The following SLC35A3 variants were observed in gnomAD, a reference collection of about 807,000 sequenced individuals.
SLC35A3 encodes UDP-N-acetylglucosamine transporter.
In SLC35A3, 26 loss-of-function variants were observed where a neutral mutation model predicts 39.0. The ratio of observed to expected loss-of-function variants is 0.67; its 90% confidence interval spans 0.49 to 0.92. SLC35A3 has a LOEUF of 0.92. SLC35A3 is among the 40% of genes least tolerant of loss of function. The pLI is 0.00. For missense variants in SLC35A3, 299 were observed against 371.6 expected, an observed-to-expected ratio of 0.80 and a Z score of 1.61; for synonymous variants, 135 against 133.1, an observed-to-expected ratio of 1.01 and a Z score of -0.10.
In SLC35A3 at chr1:100,026,966, G is replaced by C. The variant is rs1024842200; in HGVS notation, c.*4490G>C. On this transcript the variant is annotated 3_prime_UTR_variant, in exon 8 of 8. Coordinates refer to ENST00000533028, the MANE Select transcript of SLC35A3 (RefSeq NM_012243.3). ...TATTGAAATAGATTATTTTCATAAA[G>C]AACTCTATACAAATCTTTTTCTATA... 1 of 383,272 alleles carries C rather than the reference G, an allele frequency of 2.6e-6. No individual in the cohort carries two copies. Among genetic ancestry groups the C allele is most frequent in the South Asian group, 1.5e-4 (1 of 6,874 alleles). 23.7% of individuals were successfully genotyped at this position (383,272 alleles called of 1,614,324 possible).
intron 1 of SLC35A3, among the ~76,000 whole-genome samples, chr1:99,981,938 G>A (rs1657472303): frequency 6.6e-6 from 1 of 151,844 alleles, no homozygotes; most frequent in Non-Finnish European, 1.5e-5. Context: ...ACGTTGGTGA[G>A]CCACTGGAAA....
intron 1 of SLC35A3, among the ~76,000 whole-genome samples, chr1:99,990,859 A>G (rs146238542): frequency 1.3e-5 from 2 of 152,286 alleles, no homozygotes; most frequent in East Asian, 1.9e-4. Context: ...TAGTGCCTTT[A>G]TAAAAAGAGA....
At chr1:99,992,861 G>A (rs12146139) in intron 1 of SLC35A3, among the ~76,000 whole-genome samples, 23,053 of 152,118 alleles carry the variant, frequency 0.15, 2,438 homozygotes, top group African/African-American at 0.3. Flanking sequence ...GAGGGAGGAA[G>A]AGTACTGCCT....
At chr1:99,981,148 TA>T (rs1657425753) in intron 1 of SLC35A3, among the ~76,000 whole-genome samples, 1 of 152,214 alleles carries the variant, frequency 6.6e-6, no homozygotes, top group Non-Finnish European at 1.5e-5. Flanking sequence ...TCTGTATGTA[TA>T]TACTTTTTTC....
At chr1:99,987,466 C>T (rs1450761044) in intron 1 of SLC35A3, among the ~76,000 whole-genome samples, 2 of 151,972 alleles carry the variant, frequency 1.3e-5, no homozygotes, top group South Asian at 2.1e-4. Context: ...AGTGAGTATA[C>T]GTATTTTACC....
In SLC35A3 at chr1:99,995,161, T is replaced by TTTCC. The variant is rs778224177; in HGVS notation, c.187+1422_187+1423insCCTT. Among the ~76,000 whole-genome samples, 4 of 140,996 alleles carry TTTCC rather than the reference T, an allele frequency of 2.8e-5. No homozygotes were observed. In the Admixed American group the frequency reaches 2.9e-4, roughly 10 times the overall value. The allele number at this position is 140,996 out of a possible 152,430, so 92.5% of individuals were successfully genotyped here. A position where few individuals can be genotyped will look rare whatever the true frequency, so the allele number is the denominator to read the frequency against. ...CTTTCTTTCTTTCTTTCTTTCTTTC[T>TTTCC]TTTTTTTTCGAGACTGAGTCTCACT... On this transcript the variant is annotated intron_variant, in intron 2 of 7. Coordinates refer to ENST00000533028, the MANE Select transcript of SLC35A3 (RefSeq NM_012243.3).
In SLC35A3 at chr1:100,023,062, CAG is replaced by C. The variant is rs1294901422; in HGVS notation, c.*590_*591del. The C allele has an allele frequency of 6.6e-6, 1 of 152,190 alleles. No individual in the cohort carries two copies. The highest frequency in any genetic ancestry group is 1.5e-5 in the Non-Finnish European group (1 of 68,004). 9.4% of individuals were successfully genotyped at this position (152,190 alleles called of 1,614,324 possible). On this transcript the variant is annotated 3_prime_UTR_variant, in exon 8 of 8. Transcript: ENST00000533028. The stretch of plus-strand genomic sequence containing the variant: ...AATTAATATTCTGGGTCTGATCTGT[CAG>C]AGAATAAATATCAAATCTAAATTTA...
intron 1 of SLC35A3, among the ~76,000 whole-genome samples, chr1:99,971,817 T>C (rs192780285): frequency 6.6e-6 from 1 of 152,308 alleles, no homozygotes; most frequent in East Asian, 1.9e-4. Context: ...ATTCTACTTA[T>C]TCTTCAATTC....
intron 3 of SLC35A3, among the ~76,000 whole-genome samples, chr1:100,001,753 T>C (rs1557835525): frequency 6.6e-6 from 1 of 152,324 alleles, no homozygotes; most frequent in East Asian, 1.9e-4. Flanking sequence ...GCATTCAGTA[T>C]GATATTAGTT....
chr1:100,018,609 A>G (rs573026036), intron 7 of SLC35A3, among the ~76,000 whole-genome samples: 102 of 152,242 alleles, frequency 6.7e-4, no homozygotes, highest in African/African-American at 2.4e-3. Context: ...AGCCCACTGC[A>G]GCTTCAAACT....
chr1:100,003,031 G>T (rs1557836204), intron 3 of SLC35A3, among the ~76,000 whole-genome samples: 1 of 151,960 alleles, frequency 6.6e-6, no homozygotes, highest in Non-Finnish European at 1.5e-5. Flanking sequence ...GTTGATGTAG[G>T]CATTTATTGC....
rs1047494019 is a variant in SLC35A3, at chr1:100,032,255, T to A, written c.*9779T>A. 1.3e-5 allele frequency: 2 copies of A among 152,190 alleles called. No individual in the cohort carries two copies. The highest frequency in any genetic ancestry group is 4.8e-5 in the African/African-American group (2 of 41,436). The allele number at this position is 152,190 out of a possible 1,614,324, so 9.4% of individuals were successfully genotyped here. On this transcript the variant is annotated 3_prime_UTR_variant, in exon 8 of 8. Transcript: ENST00000533028. Reference sequence around the variant, plus strand: ...GGAGAATATTCTGTTTCCCAATGCCTTTAGCATCAATTGATGATTCTTGAC... The same window carrying A: ...GGAGAATATTCTGTTTCCCAATGCCATTAGCATCAATTGATGATTCTTGAC...
In SLC35A3 at chr1:100,026,822, A is replaced by C. The variant is rs1225967574; in HGVS notation, c.*4346A>C. On this transcript the variant is annotated 3_prime_UTR_variant, in exon 8 of 8. Coordinates refer to ENST00000533028, the MANE Select transcript of SLC35A3 (RefSeq NM_012243.3). ...TTTGATAATGTAATTTGTATATTTAAATTTTTTATGGACATAATTCAAAGG... is the reference window on the plus strand; with the variant it reads ...TTTGATAATGTAATTTGTATATTTACATTTTTTATGGACATAATTCAAAGG... 1 of 180,442 alleles carries C rather than the reference A, an allele frequency of 5.5e-6. No individual in the cohort carries two copies. Among genetic ancestry groups the C allele is most frequent in the Non-Finnish European group, 1.1e-5 (1 of 87,264 alleles). The allele number at this position is 180,442 out of a possible 1,614,324, so 11.2% of individuals were successfully genotyped here. A position where few individuals can be genotyped will look rare whatever the true frequency, so the allele number is the denominator to read the frequency against.
chr1:99,983,939 T>C (rs1301944519), intron 1 of SLC35A3, among the ~76,000 whole-genome samples: 1 of 152,136 alleles, frequency 6.6e-6, no homozygotes, highest in Non-Finnish European at 1.5e-5. Flanking sequence ...TTTATTTTAT[T>C]TTACATTTAA....
intron 5 of SLC35A3, among the ~76,000 whole-genome samples, chr1:100,014,454 T>A (rs1659912518): frequency 6.6e-6 from 1 of 152,080 alleles, no homozygotes; most frequent in Non-Finnish European, 1.5e-5. Context: ...ACTCCTGGGG[T>A]CAAATGATTC....
intron 4 of SLC35A3, 54 bp from the exon 5 acceptor site, chr1:100,011,311 T>A: frequency 2.1e-6 from 2 of 965,824 alleles, no homozygotes; most frequent in East Asian, 5.4e-5. Flanking sequence ...CTCAATATGT[T>A]TATGTAAAAT....
intron 4 of SLC35A3, 168 bp downstream of exon 4, chr1:100,007,324 A>G (rs1659312646): frequency 1.8e-6 from 1 of 569,852 alleles, no homozygotes; most frequent in African/African-American, 1.9e-5. Context: ...CTACATTGGG[A>G]GTGTAAGTAA....
In SLC35A3 at chr1:99,979,420, CCTTTT is replaced by C. The variant is rs1657308903; in HGVS notation, c.-19+9263_-19+9267del. 2.7e-5 allele frequency among the ~76,000 whole-genome samples: 4 copies of C among 150,420 alleles called. 1 individual carries two copies. The South Asian group carries it at 8.4e-4, about 32-fold the overall frequency. On this transcript the variant is annotated intron_variant, in intron 1 of 7. Coordinates refer to ENST00000533028, the MANE Select transcript of SLC35A3 (RefSeq NM_012243.3). ...TTCTTCTCTTGTGTATCTGTATTCT[CCTTTT>C]CTTTCTTTTTTTTTTTTTTTTTATT...
Position 100,032,266 on chromosome 1 carries a change from T to C in SLC35A3, c.*9790T>C, listed in dbSNP as rs1661282675. 1.3e-5 allele frequency: 2 copies of C among 152,220 alleles called. No homozygotes were observed. The highest frequency in any genetic ancestry group is 4.8e-5 in the African/African-American group (2 of 41,458). 9.4% of individuals were successfully genotyped at this position (152,220 alleles called of 1,614,324 possible). On this transcript the variant is annotated 3_prime_UTR_variant, in exon 8 of 8. Coordinates refer to ENST00000533028, the MANE Select transcript of SLC35A3 (RefSeq NM_012243.3). ...TGTTTCCCAATGCCTTTAGCATCAA[T>C]TGATGATTCTTGACTGAATCATTTA...
Sources: allele counts gnomAD v4.1 joint callset (sites outside exome capture counted in the v4.1 genomes callset), GRCh38; gene constraint gnomAD v4.1.1; transcripts MANE v1.5; gene names NCBI Gene and HGNC (gene_info 2026-07-23, HGNC 2026-07-21).